DNAJC1: variants seen among roughly 807,000 people sequenced by gnomAD.
The protein encoded by DNAJC1 is DnaJ heat shock protein family (Hsp40) member C1.
A neutral mutation model predicts 76.6 loss-of-function variants in DNAJC1; 58 were observed. The observed-to-expected ratio is 0.76, with a 90% CI of 0.61 to 0.94. The LOEUF (loss-of-function observed/expected upper bound fraction) is 0.94. Among genes scored for constraint, DNAJC1 ranks in the 40% least tolerant of loss-of-function variants. The pLI is 0.00. For synonymous variants in DNAJC1, 258 were observed against 267.9 expected (o/e 0.96, Z 0.36); for missense variants, 689 against 677.3 (o/e 1.02, Z -0.19).
intron 7 of DNAJC1, 65 bp downstream of exon 7, chr10:21,904,457 G>T: frequency 3.8e-6 from 4 of 1,046,620 alleles, no homozygotes; most frequent in Non-Finnish European, 5.3e-6. Flanking sequence ...GAATTTAAAA[G>T]ATAATTCACA....
chr10:21,892,926 G>C (rs1045677226), intron 7 of DNAJC1, among the ~76,000 whole-genome samples: 4 of 151,984 alleles, frequency 2.6e-5, no homozygotes, highest in Admixed American at 2.6e-4. Flanking sequence ...TATAATTACA[G>C]TCAAAAAGTC....
chr10:21,801,646 C>A (rs139108606), intron 9 of DNAJC1, among the ~76,000 whole-genome samples: 685 of 152,214 alleles, frequency 4.5e-3, no homozygotes, highest in Middle Eastern at 0.014. Flanking sequence ...GACATATACC[C>A]AGAGGAATGT....
chr10:21,957,136 C>A (rs1225588069), intron 1 of DNAJC1, among the ~76,000 whole-genome samples: 1 of 151,940 alleles, frequency 6.6e-6, no homozygotes, highest in Non-Finnish European at 1.5e-5. Context: ...GTGATCCACC[C>A]GCCTCGGCCT....
At chr10:21,802,707 G>C (rs1341936402) in intron 9 of DNAJC1, among the ~76,000 whole-genome samples, 1 of 152,104 alleles carries the variant, frequency 6.6e-6, no homozygotes, top group African/African-American at 2.4e-5. Flanking sequence ...CAAGAGATTA[G>C]TGACCAGGGA....
intron 10 of DNAJC1, among the ~76,000 whole-genome samples, chr10:21,765,842 T>C (rs200516900): frequency 1.1e-5 from 1 of 91,658 alleles, no homozygotes; most frequent in South Asian, 6.4e-4. Context: ...AGACTCCGTC[T>C]CAAAAAAAAG....
intron 8 of DNAJC1, among the ~76,000 whole-genome samples, chr10:21,833,712 C>T (rs1285592418): frequency 2.6e-5 from 4 of 152,092 alleles, no homozygotes; most frequent in Admixed American, 2.0e-4. Flanking sequence ...ACAGTAGCCA[C>T]TTAATAAATG....
At chr10:21,783,992 G>T (rs188020605) in intron 9 of DNAJC1, among the ~76,000 whole-genome samples, 2 of 152,166 alleles carry the variant, frequency 1.3e-5, no homozygotes, top group African/African-American at 4.8e-5. Flanking sequence ...ACAGGCATGG[G>T]CAAGGACTTT....
chr10:21,827,501 G>C (rs1013256787), intron 8 of DNAJC1, among the ~76,000 whole-genome samples: 3 of 152,134 alleles, frequency 2.0e-5, no homozygotes, highest in African/African-American at 4.8e-5. Context: ...CAAGGTTTTG[G>C]CAGGGTTAGT....
intron 1 of DNAJC1, among the ~76,000 whole-genome samples, chr10:21,970,449 A>G (rs1837959490): frequency 6.6e-6 from 1 of 152,110 alleles, no homozygotes; most frequent in African/African-American, 2.4e-5. Flanking sequence ...CCAGAAACCA[A>G]ATAGAAGCAG....
At chr10:21,789,437 T>G (rs1303485699) in intron 9 of DNAJC1, among the ~76,000 whole-genome samples, 1 of 151,936 alleles carries the variant, frequency 6.6e-6, no homozygotes, top group African/African-American at 2.4e-5. Context: ...TTCACAGACA[T>G]CAATACAGGG....
intron 9 of DNAJC1, among the ~76,000 whole-genome samples, chr10:21,772,377 T>C (rs1195961495): frequency 1.3e-5 from 2 of 151,644 alleles, no homozygotes; most frequent in Non-Finnish European, 2.9e-5. Flanking sequence ...GTATAGGTTT[T>C]TGATAACTAA....
intron 1 of DNAJC1, among the ~76,000 whole-genome samples, chr10:21,976,901 G>A (rs983035264): frequency 7.2e-5 from 11 of 152,062 alleles, no homozygotes; most frequent in African/African-American, 2.7e-4. Context: ...CCACCCACTA[G>A]GCTCCCCTAT....
At chr10:21,896,680 G>A (rs1458766501) in intron 7 of DNAJC1, among the ~76,000 whole-genome samples, 1 of 151,910 alleles carries the variant, frequency 6.6e-6, no homozygotes, top group African/African-American at 2.4e-5. Context: ...CGGCTTTGGG[G>A]GCTATTGGTA....
intron 1 of DNAJC1, among the ~76,000 whole-genome samples, chr10:21,989,015 TTTGA>T (rs1838290791): frequency 6.6e-6 from 1 of 152,146 alleles, no homozygotes; most frequent in Admixed American, 6.5e-5. Flanking sequence ...CCTCGTGGGA[TTTGA>T]TTATTTTAGA....
Position 21,848,315 on chromosome 10 carries a change from T to C in DNAJC1, c.978+33967A>G, listed in dbSNP as rs1330867826. Among the ~76,000 whole-genome samples, 3 of 151,848 alleles carry C rather than the reference T, an allele frequency of 2.0e-5. No homozygotes were observed. In the East Asian group the frequency reaches 5.8e-4, roughly 29 times the overall value. On this transcript the variant is annotated intron_variant, in intron 8 of 11. Transcript: ENST00000376980. ...CATTTTAAAATCAGATTATTTGCTA[T>C]TGAGTTGAGTTTCTTATATATTCTA...
chr10:21,840,499 A>G (rs1835558062), intron 8 of DNAJC1, among the ~76,000 whole-genome samples: 1 of 152,228 alleles, frequency 6.6e-6, no homozygotes, highest in Non-Finnish European at 1.5e-5. Context: ...AATCCCATTC[A>G]CAATTGCTTC....
chr10:21,778,021 C>T (rs1834475551), intron 9 of DNAJC1, among the ~76,000 whole-genome samples: 1 of 152,104 alleles, frequency 6.6e-6, no homozygotes, highest in Non-Finnish European at 1.5e-5. Context: ...AACCACACCT[C>T]TATTAAAAAA....
At chr10:21,778,949 T>A (rs1418659352) in intron 9 of DNAJC1, among the ~76,000 whole-genome samples, 7 of 152,208 alleles carry the variant, frequency 4.6e-5, no homozygotes, top group Non-Finnish European at 1.0e-4. Flanking sequence ...GGAGATTATA[T>A]TCCACACCTG....
intron 1 of DNAJC1, among the ~76,000 whole-genome samples, chr10:21,982,562 A>G (rs1838174211): frequency 6.6e-6 from 1 of 152,070 alleles, no homozygotes; most frequent in South Asian, 2.1e-4. Context: ...AAAAAATCCA[A>G]TTAAAAGTGG....
Sources: allele counts gnomAD v4.1 joint callset (sites outside exome capture counted in the v4.1 genomes callset), GRCh38; gene constraint gnomAD v4.1.1; transcripts MANE v1.5; gene names NCBI Gene and HGNC (gene_info 2026-07-23, HGNC 2026-07-21).